DSP: variants seen among roughly 807,000 people sequenced by gnomAD.
The protein encoded by DSP is desmoplakin.
A neutral mutation model predicts 290.6 loss-of-function variants in DSP; 114 were observed. The ratio of observed to expected loss-of-function variants is 0.39; its 90% CI spans 0.34 to 0.46. The LOEUF is 0.46. Ranked by LOEUF, DSP falls within the 20% of genes least tolerant of loss-of-function variation. DSP has a pLI of 0.99. For missense variants in DSP, 3,230 were observed against 3,495.8 expected (o/e 0.92, Z 1.92); for synonymous variants, 1,311 against 1,316.4 (o/e 1.00, Z 0.09).
chr6:7,583,053 G>GAGAGTTAGAT lies in DSP; in HGVS notation c.5792_5793insGAGTTAGATA (p.Arg1932SerfsTer2). The GAGAGTTAGAT allele has an allele frequency of 6.2e-7, 1 of 1,614,084 alleles. No homozygotes were observed. Among genetic ancestry groups the GAGAGTTAGAT allele is most frequent in the Non-Finnish European group, 8.5e-7 (1 of 1,180,034 alleles). On this transcript the variant is annotated stop_gained and frameshift_variant, in exon 24 of 24. Transcript: ENST00000379802. LOFTEE classifies it high-confidence loss of function. The surrounding 1 kb of genome is among the most constrained non-coding windows in gnomAD (Gnocchi z 4.0). ...GGAGACACAGTCACAGTTAGAAACA[G>GAGAGTTAGAT]AACGCTCCCGATATCAGAGGGAGAT... is the stretch of plus-strand genomic sequence containing the variant.
rs146050487 is a variant in DSP, at chr6:7,554,412, C to T, written c.171-1306C>T. On this transcript the variant is annotated intron_variant, in intron 1 of 23. Coordinates refer to ENST00000379802, the MANE Select transcript of DSP (RefSeq NM_004415.4). ...TACAGACCATCTGCAACATTTTCCG[C>T]CAACACCACCGTTGTTTTAAGGTTT... Among the ~76,000 whole-genome samples the T allele has an allele frequency of 1.9e-3, 284 of 152,260 alleles. 1 individual carries two copies. Among genetic ancestry groups the T allele is most frequent in the Admixed American group, 3.4e-3 (52 of 15,292 alleles).
chr6:7,544,195 C>G (rs1379678623), intron 1 of DSP, among the ~76,000 whole-genome samples: 1 of 152,176 alleles, frequency 6.6e-6, no homozygotes, highest in East Asian at 1.9e-4. Flanking sequence ...CGAGCCTGAC[C>G]CAGCCTGCAG....
chr6:7,583,827 CG>C lies in DSP; in HGVS notation c.6567del (p.Cys2190AlafsTer28). The C allele has an allele frequency of 6.2e-7, 1 of 1,614,078 alleles. No individual in the cohort carries two copies. Among genetic ancestry groups the C allele is most frequent in the Non-Finnish European group, 8.5e-7 (1 of 1,180,008 alleles). Reference sequence around the variant, plus strand: ...GGTCAGTTACGTGCAGCTGAAGGAACGGTGCAGAATCGAACCACATACTGGT... The same window carrying C: ...GGTCAGTTACGTGCAGCTGAAGGAACGTGCAGAATCGAACCACATACTGGT... The part of the protein sequence containing the change: ...KKVSYVQLKE[R>X]CRIEPHTGLL... On this transcript the variant is annotated frameshift_variant, in exon 24 of 24. Coordinates refer to ENST00000379802, the MANE Select transcript of DSP (RefSeq NM_004415.4). LOFTEE classifies it high-confidence loss of function. This position sits in a 1 kb window ranked among gnomAD's most constrained non-coding sequence, Gnocchi z 4.0.
In DSP at chr6:7,576,977, T is replaced by G. The variant is rs1013954697; in HGVS notation, c.2812T>G (p.Ser938Ala). The change falls in exon 20 of 24, where the codon TCT becomes GCT. Residue 938 changes from serine to alanine, a missense_variant. Ser to Ala is a moderately conservative substitution (Grantham distance 99). Coordinates refer to ENST00000379802, the MANE Select transcript of DSP (RefSeq NM_004415.4). ...NEQKNLHSEI[S>A]GKRDKSEEVQ... ...TGTATAGAACTTGCACAGTGAAATA[T>G]CTGGCAAACGAGACAAATCAGAGGA... 6.2e-7 allele frequency: 1 copy of G among 1,613,420 alleles called. No individual in the cohort carries two copies. Among genetic ancestry groups the G allele is most frequent in the Non-Finnish European group, 8.5e-7 (1 of 1,179,690 alleles).
intron 13 of DSP, among the ~76,000 whole-genome samples, 168 bp from the exon 14 acceptor site, chr6:7,571,215 C>T (rs1423252527): frequency 1.3e-5 from 2 of 151,132 alleles, no homozygotes; most frequent in African/African-American, 4.9e-5. Context: ...ATTCCTGTGG[C>T]TCTTGGGAAC....
At chr6:7,563,847 A>C in intron 6 of DSP, 61 bp downstream of exon 6, 1 of 1,465,762 alleles carries the variant, frequency 6.8e-7, no homozygotes, top group Non-Finnish European at 9.6e-7. Context: ...AATTCAGTTC[A>C]AGAAATATCA....
chr6:7,571,176 C>CA lies in DSP; in HGVS notation c.1702-189dup, dbSNP rs200091877. Among the ~76,000 whole-genome samples, 3,194 of 74,468 alleles carry CA rather than the reference C, an allele frequency of 0.043. 39 individuals carry two copies. Among genetic ancestry groups the CA allele is most frequent in the African/African-American group, 0.05 (989 of 19,956 alleles). The allele number at this position is 74,468 out of a possible 152,430, so 48.9% of individuals were successfully genotyped here. On this transcript the variant is annotated intron_variant, in intron 13 of 23. Transcript: ENST00000379802. Reference sequence around the variant, plus strand: ...TCGTTGAAGAAAAATATTCTGTAGGCAAAAAAAAAAAAAAAAAATTAGCAA... The same window carrying CA: ...TCGTTGAAGAAAAATATTCTGTAGGCAAAAAAAAAAAAAAAAAAATTAGCAA...
In DSP at chr6:7,562,681, G is replaced by C; in HGVS notation, c.627G>C (p.Val209=). Residue 209 remains valine, a synonymous_variant, in exon 5 of 24, where the codon GTG becomes GTC. Transcript: ENST00000379802. ...AGATGGACATGGTGGCCTGGGGTGT[G>C]GACCTGGCCTCAGTGGAGCAGCACA... is the stretch of plus-strand genomic sequence containing the variant. ...RAEMDMVAWG[V]DLASVEQHIN... is the part of the protein sequence containing the mutation. 6.2e-7 allele frequency: 1 copy of C among 1,614,136 alleles called. No homozygotes were observed. Among genetic ancestry groups the C allele is most frequent in the East Asian group, 2.2e-5 (1 of 44,874 alleles).
chr6:7,577,117 A>G (rs1182018350), intron 20 of DSP, 75 bp downstream of exon 20: 3 of 1,227,306 alleles, frequency 2.4e-6, no homozygotes, highest in Non-Finnish European at 3.5e-6. Flanking sequence ...GATTTGTTGT[A>G]AAGCGTATAC....
chr6:7,563,841 C>T lies in DSP; in HGVS notation c.777+55C>T. The T allele has an allele frequency of 3.3e-6, 5 of 1,523,712 alleles. No individual in the cohort carries two copies. The South Asian group carries it at 4.5e-5, about 14-fold the overall frequency. The allele number at this position is 1,523,712 out of a possible 1,614,324, so 94.4% of individuals were successfully genotyped here. A position where few individuals can be genotyped will look rare whatever the true frequency, so the allele number is the denominator to read the frequency against. ...ACTTTCTGTTGTTTCCAATTCAATT[C>T]AGTTCAAGAAATATCAAGCACATCC... is the stretch of plus-strand genomic sequence containing the variant. On this transcript the variant is annotated intron_variant, in intron 6 of 23. Coordinates refer to ENST00000379802, the MANE Select transcript of DSP (RefSeq NM_004415.4).
intron 1 of DSP, among the ~76,000 whole-genome samples, chr6:7,549,427 G>A (rs1758268556): frequency 6.6e-6 from 1 of 152,220 alleles, no homozygotes; most frequent in Admixed American, 6.5e-5. Flanking sequence ...GGGATTACAG[G>A]CGTGAGCCAC....
chr6:7,561,589 C>T (rs561852630), intron 4 of DSP, among the ~76,000 whole-genome samples: 9 of 152,250 alleles, frequency 5.9e-5, no homozygotes, highest in African/African-American at 1.7e-4. Context: ...GGTAATGAGA[C>T]GCCTGAGCTG....
At chr6:7,564,739 C>G (rs1474414255) in intron 6 of DSP, among the ~76,000 whole-genome samples, 1 of 152,110 alleles carries the variant, frequency 6.6e-6, no homozygotes, top group African/African-American at 2.4e-5. Flanking sequence ...CCCACTTATC[C>G]TGATTTGATC....
chr6:7,567,659 AT>A lies in DSP; in HGVS notation c.1141-116del, dbSNP rs1758903620. On this transcript the variant is annotated intron_variant, in intron 9 of 23. Coordinates refer to ENST00000379802, the MANE Select transcript of DSP (RefSeq NM_004415.4). ...ACATACCTAAATACTTTCTGCACGA[AT>A]TTTTTCCTTTAGCCACCTGTCAAAG... 6 of 1,497,196 alleles carry A rather than the reference AT, an allele frequency of 4.0e-6. No individual in the cohort carries two copies. In the South Asian group the frequency reaches 6.9e-5, roughly 17 times the overall value. 92.7% of individuals were successfully genotyped at this position (1,497,196 alleles called of 1,614,324 possible). A position where few individuals can be genotyped will look rare whatever the true frequency, so the allele number is the denominator to read the frequency against.
At chr6:7,551,728 G>T (rs1464645903) in intron 1 of DSP, among the ~76,000 whole-genome samples, 1 of 152,114 alleles carries the variant, frequency 6.6e-6, no homozygotes, top group African/African-American at 2.4e-5. Context: ...TCTGACATCA[G>T]ACTGACCCGA....
intron 16 of DSP, 21 bp downstream of exon 16, chr6:7,574,273 T>C: frequency 1.9e-6 from 3 of 1,611,192 alleles, no homozygotes; most frequent in Non-Finnish European, 1.7e-6. Context: ...CTAACACTAA[T>C]CTCATATTTT....
Position 7,582,273 on chromosome 6 carries a change from A to G in DSP, c.5380-369A>G, listed in dbSNP as rs1230911434. Among the ~76,000 whole-genome samples, 1 of 149,406 alleles carries G rather than the reference A, an allele frequency of 6.7e-6. No individual in the cohort carries two copies. Among genetic ancestry groups the G allele is most frequent in the Non-Finnish European group, 1.5e-5 (1 of 67,532 alleles). On this transcript the variant is annotated intron_variant, in intron 23 of 23. Coordinates refer to ENST00000379802, the MANE Select transcript of DSP (RefSeq NM_004415.4). This position sits in a 1 kb window ranked among gnomAD's most constrained non-coding sequence, Gnocchi z 4.2. ...TTCATATATTTGTATTGCTTCATTA[A>G]GTATGTTCATCTAGCTGTAACAGGT...
At chr6:7,571,136 C>T (rs1759030868) in intron 13 of DSP, among the ~76,000 whole-genome samples, 2 of 146,816 alleles carry the variant, frequency 1.4e-5, no homozygotes, top group South Asian at 4.3e-4. Context: ...ACATTTAGGG[C>T]TTCTGAATAA....
At chr6:7,553,758 C>T (rs1362043529) in intron 1 of DSP, among the ~76,000 whole-genome samples, 1 of 152,094 alleles carries the variant, frequency 6.6e-6, no homozygotes, top group Non-Finnish European at 1.5e-5. Context: ...TGGGTGGGGG[C>T]AGTCTTGGTT....
Sources: gnomAD v4.1 joint callset for allele counts (sites outside exome capture counted in the v4.1 genomes callset) on GRCh38, gnomAD v4.1.1 for gene constraint, Gnocchi (gnomAD v3.1) non-coding constraint, MANE v1.5 for transcripts, NCBI Gene and HGNC (gene_info 2026-07-23, HGNC 2026-07-21) for gene names.